Variants in DMD observed in about 807,000 individuals in gnomAD.
DMD encodes the protein dystrophin.
Under a neutral mutation model 330.1 loss-of-function variants are expected in DMD, and 63 were observed. The ratio of observed to expected loss-of-function variants is 0.19; its 90% CI spans 0.16 to 0.24. The LOEUF (loss-of-function observed/expected upper bound fraction) is 0.24, where lower values mean the gene tolerates loss of function less well. Among genes scored for constraint, DMD ranks in the 10% least tolerant of loss-of-function variants. The pLI is 1.00. For synonymous variants in DMD, 1,223 were observed against 959.8 expected (o/e 1.27, Z -5.07); for missense variants, 3,344 against 2,684.1 (o/e 1.25, Z -5.43).
intron 7 of DMD, among the ~76,000 whole-genome samples, chrX:32,789,437 T>A (rs1041272006): frequency 8.9e-6 from 1 of 111,982 alleles, no homozygotes; most frequent in Non-Finnish European, 1.9e-5. Flanking sequence ...GTTTCTATCT[T>A]AGCTGCAGGA....
chrX:33,253,253 G>C (rs773144275), intron 1 of DMD, among the ~76,000 whole-genome samples: 2 of 107,498 alleles, frequency 1.9e-5, no homozygotes, highest in African/African-American at 7.3e-5. Flanking sequence ...GTATATGTCA[G>C]GTACATACTG....
At chrX:32,364,477 G>A in intron 36 of DMD, 105 bp downstream of exon 36, 1 of 921,015 alleles carries the variant, frequency 1.1e-6, no homozygotes, top group South Asian at 2.1e-5. Context: ...AGGAAGAAAG[G>A]ATTGTTTTAC....
At chrX:32,843,471 A>G (rs973759424) in intron 4 of DMD, among the ~76,000 whole-genome samples, 1 of 111,956 alleles carries the variant, frequency 8.9e-6, no homozygotes, top group Non-Finnish European at 1.9e-5. Context: ...AATAACTTTC[A>G]TAGGTTAAAG....
At chrX:32,484,840 A>G (rs2042255976) in intron 21 of DMD, 79 bp downstream of exon 21, 1 of 1,021,737 alleles carries the variant, frequency 9.8e-7, no homozygotes, top group African/African-American at 1.9e-5. Flanking sequence ...TTATTGTTTC[A>G]TGTTAGTACC....
chrX:32,391,873 G>T (rs186706110), intron 30 of DMD, among the ~76,000 whole-genome samples: 105 of 111,861 alleles, frequency 9.4e-4, no homozygotes, highest in Admixed American at 8.3e-3. Flanking sequence ...CTTTAGAGGG[G>T]TTATGGCTAG....
At chrX:31,986,296 AT>A (rs994348411) in intron 44 of DMD, among the ~76,000 whole-genome samples, 6 of 111,846 alleles carry the variant, frequency 5.4e-5, no homozygotes, top group South Asian at 7.4e-4. Flanking sequence ...AGATGATAAA[AT>A]TTTTTTTGTA....
chrX:31,364,570 A>C (rs1055955691), intron 60 of DMD, among the ~76,000 whole-genome samples: 2 of 112,366 alleles, frequency 1.8e-5, no homozygotes, highest in African/African-American at 6.5e-5. Context: ...ACATTTAAGA[A>C]AATTAGCATT....
At chrX:31,333,099 G>A (rs180783546) in intron 61 of DMD, among the ~76,000 whole-genome samples, 10 of 111,216 alleles carry the variant, frequency 9.0e-5, no homozygotes, top group Admixed American at 4.8e-4. Flanking sequence ...AAACATGAAC[G>A]GAGACAAATC....
intron 34 of DMD, among the ~76,000 whole-genome samples, chrX:32,372,250 A>G (rs921374041): frequency 1.8e-5 from 2 of 112,087 alleles, no homozygotes; most frequent in African/African-American, 6.5e-5. Flanking sequence ...GTTTAAACAG[A>G]TATTTCATGA....
chrX:32,744,484 C>T (rs1462571355), intron 7 of DMD, among the ~76,000 whole-genome samples: 1 of 111,179 alleles, frequency 9.0e-6, no homozygotes, highest in East Asian at 2.8e-4. Context: ...TCTGCTCAAA[C>T]CTCCTTTTTA....
intron 62 of DMD, among the ~76,000 whole-genome samples, chrX:31,314,252 T>A (rs1342751036): frequency 2.7e-5 from 3 of 112,658 alleles, no homozygotes. Flanking sequence ...AACTTTGCTT[T>A]TCTTCCTGTC....
chrX:31,942,882 T>C (rs1443349007), intron 45 of DMD, among the ~76,000 whole-genome samples: 1 of 112,105 alleles, frequency 8.9e-6, no homozygotes, highest in Non-Finnish European at 1.9e-5. Flanking sequence ...TATCTCCAAG[T>C]AATAACATTA....
intron 12 of DMD, among the ~76,000 whole-genome samples, chrX:32,600,667 A>C (rs1352583153): frequency 9.1e-6 from 1 of 109,645 alleles, no homozygotes; most frequent in Non-Finnish European, 1.9e-5. Context: ...TTCATCATGA[A>C]TTGGAAGGCA....
intron 48 of DMD, among the ~76,000 whole-genome samples, chrX:31,870,036 A>G (rs2093865497): frequency 8.9e-6 from 1 of 111,783 alleles, no homozygotes; most frequent in Non-Finnish European, 1.9e-5. Flanking sequence ...TCGTTCAGCT[A>G]GTCCTTCAAC....
intron 16 of DMD, among the ~76,000 whole-genome samples, chrX:32,555,057 A>T (rs995403698): frequency 9.1e-6 from 1 of 109,848 alleles, no homozygotes; most frequent in Non-Finnish European, 1.9e-5. Context: ...ACAATTCTCA[A>T]TACCAGCAAA....
chrX:33,192,443 C>A (rs2050710084), intron 1 of DMD, among the ~76,000 whole-genome samples: 1 of 112,056 alleles, frequency 8.9e-6, no homozygotes, highest in South Asian at 3.7e-4. Flanking sequence ...AAATACACAC[C>A]TAACTTAGAA....
intron 67 of DMD, among the ~76,000 whole-genome samples, chrX:31,195,329 T>C (rs1440550105): frequency 9.0e-6 from 1 of 111,731 alleles, no homozygotes; most frequent in East Asian, 2.8e-4. Context: ...GCCATGGCCC[T>C]AGGGAACATA....
intron 46 of DMD, among the ~76,000 whole-genome samples, chrX:31,931,541 C>A (rs754244095): frequency 7.2e-5 from 8 of 110,542 alleles, no homozygotes; most frequent in Non-Finnish European, 1.1e-4. Context: ...GAATATAATG[C>A]CTTTAAGTAG....
intron 7 of DMD, among the ~76,000 whole-genome samples, chrX:32,711,465 C>A (rs746853361): frequency 3.6e-5 from 4 of 111,502 alleles, no homozygotes; most frequent in African/African-American, 1.3e-4. Context: ...TCAATGGGAA[C>A]GTGCCCCTTG....
Sources: gnomAD v4.1 joint callset for allele counts (sites outside exome capture counted in the v4.1 genomes callset) on GRCh38, gnomAD v4.1.1 for gene constraint, MANE v1.5 for transcripts, NCBI Gene and HGNC (gene_info 2026-07-23, HGNC 2026-07-21) for gene names.